The following CYB5R4 variants were observed in gnomAD, a reference collection of about 807,000 sequenced individuals.
CYB5R4 encodes the protein N-terminal cytochrome b5 and cytochrome b5 oxidoreductase domain-containing protein.
A neutral mutation model predicts 70.2 loss-of-function variants in CYB5R4; 55 were observed. The observed-to-expected ratio is 0.78, with a 90% CI of 0.63 to 0.98. The LOEUF (loss-of-function observed/expected upper bound fraction) is 0.98, where lower values mean the gene tolerates loss of function less well. CYB5R4 is among the 50% of genes least tolerant of loss of function. The pLI, the probability that CYB5R4 is intolerant of heterozygous loss-of-function variation, is 0.00. For synonymous variants in CYB5R4, 197 were observed against 199.5 expected (o/e 0.99, Z 0.11); for missense variants, 562 against 612.6 (o/e 0.92, Z 0.87).
intron 2 of CYB5R4, among the ~76,000 whole-genome samples, chr6:83,876,658 T>A (rs1288803053): frequency 6.6e-6 from 1 of 152,160 alleles, no homozygotes; most frequent in African/African-American, 2.4e-5. Context: ...TGTTATTCAT[T>A]TTACTTCTAT....
At chr6:83,909,136 G>C in intron 4 of CYB5R4, 46 bp downstream of exon 4, 1 of 1,516,426 alleles carries the variant, frequency 6.6e-7, no homozygotes, top group Non-Finnish European at 9.1e-7. Flanking sequence ...TGGTGCACAT[G>C]TATTTTTTTT....
chr6:83,879,169 G>A (rs979490859), intron 2 of CYB5R4, among the ~76,000 whole-genome samples: 5 of 151,636 alleles, frequency 3.3e-5, no homozygotes, highest in African/African-American at 9.7e-5. Context: ...CTCCTGCATC[G>A]TACTCAATGC....
In CYB5R4 at chr6:83,924,729, G is replaced by A. The variant is rs140094105; in HGVS notation, c.814+137G>A. 1.0e-4 allele frequency: 88 copies of A among 859,760 alleles called. No homozygotes were observed. In the East Asian group the frequency reaches 2.3e-3, roughly 22 times the overall value. The allele number at this position is 859,760 out of a possible 1,614,324, so 53.3% of individuals were successfully genotyped here. A position where few individuals can be genotyped will look rare whatever the true frequency, so the allele number is the denominator to read the frequency against. On this transcript the variant is annotated intron_variant, in intron 10 of 15. Transcript: ENST00000369681. ...ATCTACTGCTAGGAAGTTTGAAAGG[G>A]ACAATGTGTGTTGTCCTGCTTTTTT... is the stretch of plus-strand genomic sequence containing the variant.
chr6:83,910,308 A>C, intron 4 of CYB5R4: 1 of 619,618 alleles, frequency 1.6e-6, no homozygotes, highest in Non-Finnish European at 2.8e-6. Context: ...TAGACAAAGC[A>C]CAAGCTCAGA....
In CYB5R4 at chr6:83,898,571, C is replaced by T. The variant is rs1421043849; in HGVS notation, c.330+4949C>T. Among the ~76,000 whole-genome samples, 3 of 151,890 alleles carry T rather than the reference C, an allele frequency of 2.0e-5. 1 individual carries two copies. Among genetic ancestry groups the T allele is most frequent in the Non-Finnish European group, 4.4e-5 (3 of 67,970 alleles). The stretch of plus-strand genomic sequence containing the variant: ...ACCTTGGGCAGTATGGCCATTTTCA[C>T]GATATTGATTCTTCCTACCCACGAG... On this transcript the variant is annotated intron_variant, in intron 3 of 15. Coordinates refer to ENST00000369681, the MANE Select transcript of CYB5R4 (RefSeq NM_016230.4).
intron 12 of CYB5R4, among the ~76,000 whole-genome samples, chr6:83,938,896 G>C (rs961534338): frequency 1.3e-5 from 2 of 151,282 alleles, no homozygotes. Context: ...CAGTGGCATC[G>C]CAATCTCGGC....
At chr6:83,955,530 T>G in intron 15 of CYB5R4, 68 bp downstream of exon 15, 1 of 1,397,778 alleles carries the variant, frequency 7.2e-7, no homozygotes, top group Non-Finnish European at 9.8e-7. Context: ...AACAAGCATC[T>G]CTCAGTTCTT....
At chr6:83,927,022 C>T (rs1183177167) in intron 10 of CYB5R4, among the ~76,000 whole-genome samples, 2 of 152,142 alleles carry the variant, frequency 1.3e-5, no homozygotes, top group Non-Finnish European at 2.9e-5. Context: ...AGTCTTCTCT[C>T]TGCCTTGTCA....
At position 83,961,902 on chromosome 6, in the gene CYB5R4, TTTATATTTTGTTATATTTTA is replaced by T. The variant is rs1465255409; in HGVS notation, c.*2043_*2062del. 1 of 149,250 alleles carries T rather than the reference TTTATATTTTGTTATATTTTA, an allele frequency of 6.7e-6. No individual in the cohort carries two copies. Among genetic ancestry groups the T allele is most frequent in the African/African-American group, 2.5e-5 (1 of 39,772 alleles). 9.2% of individuals were successfully genotyped at this position (149,250 alleles called of 1,614,324 possible). ...TTGTTTATATTTTATTTATATTTTGTTTATATTTTGTTATATTTTATTATATTTTGTTATATTTATATTTT... is the reference window on the plus strand; with the variant it reads ...TTGTTTATATTTTATTTATATTTTGTTTATATTTTGTTATATTTATATTTT... On this transcript the variant is annotated 3_prime_UTR_variant, in exon 16 of 16. Transcript: ENST00000369681.
chr6:83,921,004 T>A (rs774575095), intron 7 of CYB5R4, 78 bp from the exon 8 acceptor site: 9 of 1,085,394 alleles, frequency 8.3e-6, no homozygotes, highest in Admixed American at 4.1e-5. Flanking sequence ...GTACCGCAGA[T>A]CACCTTAAAA....
At chr6:83,873,776 G>A (rs2099458035) in intron 2 of CYB5R4, among the ~76,000 whole-genome samples, 1 of 152,096 alleles carries the variant, frequency 6.6e-6, no homozygotes, top group South Asian at 2.1e-4. Context: ...AATCTGCTCG[G>A]GGAACAGAAA....
rs545124457 is a variant in CYB5R4, at chr6:83,914,263, C to T, written c.413-153C>T. Among the ~76,000 whole-genome samples, 189 of 152,220 alleles carry T rather than the reference C, an allele frequency of 1.2e-3. 2 individuals are homozygous for T. Among genetic ancestry groups the T allele is most frequent in the Non-Finnish European group, 8.1e-4 (55 of 67,998 alleles). On this transcript the variant is annotated intron_variant, in intron 4 of 15. Coordinates refer to ENST00000369681, the MANE Select transcript of CYB5R4 (RefSeq NM_016230.4). ...GAAACTTACTTGTTTAAAACAAAGG[C>T]CGTTTCTATATTGGCCTGTTTCTCT...
chr6:83,919,773 T>C (rs2099466071), intron 7 of CYB5R4, among the ~76,000 whole-genome samples: 1 of 147,842 alleles, frequency 6.8e-6, no homozygotes, highest in Non-Finnish European at 1.5e-5. Flanking sequence ...TGTGTGTGTG[T>C]GTGTGTGTGT....
At chr6:83,947,166 G>T (rs1298756294) in intron 14 of CYB5R4, among the ~76,000 whole-genome samples, 1 of 152,088 alleles carries the variant, frequency 6.6e-6, no homozygotes, top group East Asian at 1.9e-4. Context: ...ATACTGCAAG[G>T]CCACAGTAAC....
chr6:83,887,151 A>G (rs779253612), intron 2 of CYB5R4, among the ~76,000 whole-genome samples: 3 of 152,130 alleles, frequency 2.0e-5, no homozygotes, highest in Non-Finnish European at 4.4e-5. Flanking sequence ...GTTTTTAGGT[A>G]AAAAAATGAT....
chr6:83,890,421 C>A (rs1588565642), intron 2 of CYB5R4, among the ~76,000 whole-genome samples: 1 of 151,830 alleles, frequency 6.6e-6, no homozygotes, highest in Non-Finnish European at 1.5e-5. Context: ...GAAATTGCTG[C>A]GTGATAAAAC....
chr6:83,882,468 G>A (rs955865592), intron 2 of CYB5R4, among the ~76,000 whole-genome samples: 4 of 152,088 alleles, frequency 2.6e-5, no homozygotes, highest in Non-Finnish European at 1.5e-5. Context: ...GTGTCCAGTC[G>A]AGTTAATTGC....
At chr6:83,926,726 C>G (rs2129140918) in intron 10 of CYB5R4, among the ~76,000 whole-genome samples, 1 of 152,256 alleles carries the variant, frequency 6.6e-6, no homozygotes, top group South Asian at 2.1e-4. Flanking sequence ...TGTTTACCCT[C>G]TAGAGTGCAA....
At chr6:83,924,958 G>A (rs2099467047) in intron 10 of CYB5R4, among the ~76,000 whole-genome samples, 3 of 152,052 alleles carry the variant, frequency 2.0e-5, no homozygotes, top group Admixed American at 2.0e-4. Flanking sequence ...TTCCTAATGA[G>A]GAAGACATGT....
Sources: gnomAD v4.1 joint callset for allele counts (sites outside exome capture counted in the v4.1 genomes callset) on GRCh38, gnomAD v4.1.1 for gene constraint, MANE v1.5 for transcripts, NCBI Gene and HGNC (gene_info 2026-07-23, HGNC 2026-07-21) for gene names.